Variants in COLEC12 observed in about 807,000 individuals in gnomAD.
COLEC12 encodes the protein collectin subfamily member 12.
Under a neutral mutation model 71.1 loss-of-function variants are expected in COLEC12, and 33 were observed. That is an observed-to-expected ratio of 0.46 (90% CI 0.35 to 0.62). The LOEUF (loss-of-function observed/expected upper bound fraction) is 0.62, where lower values mean the gene tolerates loss of function less well. Ranked by LOEUF, COLEC12 falls within the 20% of genes least tolerant of loss-of-function variation. The probability of loss-of-function intolerance (pLI) is 0.00; values close to 1 mark genes in which losing one functional copy is unlikely to be tolerated. For missense variants in COLEC12, 765 were observed against 916.1 expected, an observed-to-expected ratio of 0.84 and a Z score of 2.13; for synonymous variants, 350 against 353.0, an observed-to-expected ratio of 0.99 and a Z score of 0.10.
intron 2 of COLEC12, among the ~76,000 whole-genome samples, chr18:440,695 T>C (rs1916502103): frequency 6.6e-6 from 1 of 152,204 alleles, no homozygotes; most frequent in African/African-American, 2.4e-5. Context: ...CGTCCACTGA[T>C]TCAGAGGGCC....
chr18:450,992 A>C (rs1916749914), intron 2 of COLEC12, among the ~76,000 whole-genome samples: 1 of 152,206 alleles, frequency 6.6e-6, no homozygotes, highest in Non-Finnish European at 1.5e-5. Flanking sequence ...TGCACTTAAG[A>C]GTGATGATTT....
intron 2 of COLEC12, among the ~76,000 whole-genome samples, chr18:466,132 A>T (rs764023085): frequency 6.6e-6 from 1 of 151,938 alleles, no homozygotes; most frequent in Non-Finnish European, 1.5e-5. Flanking sequence ...CCCAGCTACT[A>T]GGGAGGCTGA....
At chr18:379,703 C>T (rs963551012) in intron 2 of COLEC12, among the ~76,000 whole-genome samples, 6 of 152,162 alleles carry the variant, frequency 3.9e-5, no homozygotes, top group African/African-American at 1.4e-4. Context: ...TCTGCTCCCA[C>T]AGGGGCTTGC....
chr18:493,686 C>T (rs1228073289), intron 1 of COLEC12, among the ~76,000 whole-genome samples: 1 of 152,082 alleles, frequency 6.6e-6, no homozygotes, highest in East Asian at 1.9e-4. Flanking sequence ...AAAGTTAATA[C>T]CAAATATTTG....
intron 2 of COLEC12, among the ~76,000 whole-genome samples, chr18:443,724 C>G (rs2621194): frequency 1 from 151,851 of 152,318 alleles, 75,695 homozygotes; most frequent in Middle Eastern, 1. Flanking sequence ...ATATAGTTAG[C>G]ATATTTGTCC....
At chr18:357,323 C>T in intron 3 of COLEC12, 77 bp downstream of exon 3, 1 of 1,393,130 alleles carries the variant, frequency 7.2e-7, no homozygotes, top group African/African-American at 1.5e-5. Context: ...TTCGTATTTG[C>T]AAATATGAGT....
intron 2 of COLEC12, among the ~76,000 whole-genome samples, chr18:385,352 T>G: frequency 1.4e-5 from 2 of 138,592 alleles, no homozygotes; most frequent in African/African-American, 2.8e-5. Context: ...TGAGACAGAG[T>G]CTCGCTCTGT....
At position 480,620 on chromosome 18, in the gene COLEC12, G is replaced by T; in HGVS notation, c.58+87C>A. On this transcript the variant is annotated intron_variant, in intron 2 of 9. Transcript: ENST00000400256. The surrounding 1 kb of genome is among the most constrained non-coding windows in gnomAD (Gnocchi z 4.1). ...AAACACCCATGTGCATGAAGGGCCT[G>T]CCAGTGGCCTGCCAATGGTCTCTGA... The T allele has an allele frequency of 1.7e-6, 2 of 1,173,068 alleles. No homozygotes were observed. Among genetic ancestry groups the T allele is most frequent in the Non-Finnish European group, 2.6e-6 (2 of 777,894 alleles). The allele number at this position is 1,173,068 out of a possible 1,614,324, so 72.7% of individuals were successfully genotyped here.
chr18:455,962 C>T (rs1916864328), intron 2 of COLEC12, among the ~76,000 whole-genome samples: 1 of 152,148 alleles, frequency 6.6e-6, no homozygotes, highest in Non-Finnish European at 1.5e-5. Context: ...TAGTGCTCAG[C>T]ACAGCACACT....
chr18:368,225 C>T (rs998465612), intron 2 of COLEC12, among the ~76,000 whole-genome samples: 2 of 152,172 alleles, frequency 1.3e-5, no homozygotes, highest in African/African-American at 4.8e-5. Flanking sequence ...CACACACACA[C>T]AAAGTGACTT....
chr18:405,479 G>A (rs535640614), intron 2 of COLEC12, among the ~76,000 whole-genome samples: 4 of 152,236 alleles, frequency 2.6e-5, no homozygotes, highest in East Asian at 1.9e-4. Flanking sequence ...TGATGTCACC[G>A]CCAGTGGCCC....
chr18:459,240 G>A (rs1018595587), intron 2 of COLEC12, among the ~76,000 whole-genome samples: 2 of 152,194 alleles, frequency 1.3e-5, no homozygotes, highest in African/African-American at 2.4e-5. Flanking sequence ...ATTGATTCAG[G>A]ACAGGATGGC....
intron 2 of COLEC12, among the ~76,000 whole-genome samples, chr18:430,333 C>CA (rs34020299): frequency 0.27 from 39,006 of 142,664 alleles, 5,426 homozygotes; most frequent in East Asian, 0.47. Context: ...GATTCTGTTT[C>CA]AAAAAAAAAA....
intron 2 of COLEC12, among the ~76,000 whole-genome samples, chr18:460,676 A>C (rs1386965810): frequency 6.6e-6 from 1 of 152,120 alleles, no homozygotes; most frequent in Non-Finnish European, 1.5e-5. Flanking sequence ...CCCAGGGCCA[A>C]CTCTCTAGAA....
At chr18:441,126 T>C (rs1215939111) in intron 2 of COLEC12, among the ~76,000 whole-genome samples, 5 of 104,380 alleles carry the variant, frequency 4.8e-5, no homozygotes, top group African/African-American at 9.6e-5. Flanking sequence ...CGGGCGCCTG[T>C]AGTCCCAGCT....
chr18:386,906 A>C (rs1373115244), intron 2 of COLEC12, among the ~76,000 whole-genome samples: 1 of 152,120 alleles, frequency 6.6e-6, no homozygotes, highest in Non-Finnish European at 1.5e-5. Context: ...TGAAGAGGCC[A>C]GGTGTACAGC....
chr18:475,155 A>C (rs12970203), intron 2 of COLEC12, among the ~76,000 whole-genome samples: 27,483 of 152,062 alleles, frequency 0.18, 2,578 homozygotes, highest in East Asian at 0.34. Flanking sequence ...TCTCCCCTTA[A>C]CTTGATGCAA....
intron 2 of COLEC12, among the ~76,000 whole-genome samples, chr18:465,973 C>A (rs975051258): frequency 6.6e-6 from 1 of 152,168 alleles, no homozygotes; most frequent in African/African-American, 2.4e-5. Flanking sequence ...ACTTGGGCGG[C>A]AGGAGAATTG....
intron 2 of COLEC12, among the ~76,000 whole-genome samples, chr18:476,941 C>T (rs1917317609): frequency 1.3e-5 from 2 of 152,180 alleles, no homozygotes; most frequent in Admixed American, 1.3e-4. Flanking sequence ...ATTAACCCTT[C>T]AAAGTCTCCC....
Sources: gnomAD v4.1 joint callset for allele counts (sites outside exome capture counted in the v4.1 genomes callset) on GRCh38, gnomAD v4.1.1 for gene constraint, Gnocchi (gnomAD v3.1) non-coding constraint, MANE v1.5 for transcripts, NCBI Gene and HGNC (gene_info 2026-07-23, HGNC 2026-07-21) for gene names.